Variants in PCDHAC2 observed in about 807,000 individuals in gnomAD.
PCDHAC2 encodes protocadherin alpha subfamily C, 2, also known as protocadherin alpha-C2.
In PCDHAC2, 24 loss-of-function variants were observed where a neutral mutation model predicts 63.3. The observed-to-expected ratio is 0.38, with a 90% CI of 0.27 to 0.53. PCDHAC2 has a LOEUF of 0.53. Ranked by LOEUF, PCDHAC2 falls within the 20% of genes least tolerant of loss-of-function variation. PCDHAC2 has a pLI of 0.81. For missense variants in PCDHAC2, 1,181 were observed against 1,275.2 expected, an observed-to-expected ratio of 0.93 and a Z score of 1.12; for synonymous variants, 569 against 529.4, an observed-to-expected ratio of 1.07 and a Z score of -1.03.
In PCDHAC2 at chr5:140,969,310, T is replaced by C; in HGVS notation, c.2544T>C (p.Asn848=). The C allele has an allele frequency of 1.2e-6, 2 of 1,614,198 alleles. No individual in the cohort carries two copies. The highest frequency in any genetic ancestry group is 2.2e-5 in the East Asian group (1 of 44,882). ...QNAGNLIILK[N]EAVSQNEPRQ... is the part of the protein sequence containing the mutation. ...CTGGGAACCTGATTATTCTCAAAAA[T>C]GAGGCTGTTTCTCAAAATGAGGTGA... The change falls in exon 1 of 4, where the codon AAT becomes AAC. Residue 848 remains asparagine, a synonymous_variant. Transcript: ENST00000289269.
chr5:140,978,806 C>G (rs1554239758), intron 1 of PCDHAC2, 143 bp from the exon 2 acceptor site: 2 of 1,492,474 alleles, frequency 1.3e-6, no homozygotes, highest in Non-Finnish European at 1.8e-6. Context: ...TAGATATCAT[C>G]ATAGAGTTAC....
intron 3 of PCDHAC2, among the ~76,000 whole-genome samples, chr5:141,000,680 T>C (rs953789526): frequency 1.3e-5 from 2 of 151,376 alleles, no homozygotes; most frequent in African/African-American, 2.4e-5. Flanking sequence ...CACCTGCCTC[T>C]GCCTCCCAAA....
Position 140,967,383 on chromosome 5 carries a change from T to A in PCDHAC2, c.617T>A (p.Val206Glu). 6.2e-7 allele frequency: 1 copy of A among 1,608,702 alleles called. No homozygotes were observed. The highest frequency in any genetic ancestry group is 8.5e-7 in the Non-Finnish European group (1 of 1,176,164). The change falls in exon 1 of 4, where the codon GTG (valine) becomes GAG (glutamate). Residue 206 changes from valine to glutamate, a missense_variant. Around this residue, in one of 3 missense-constraint regions of PCDHAC2, gnomAD observed 968 missense variants for 1,073.5 expected, o/e 0.90. Coordinates refer to ENST00000289269, the MANE Select transcript of PCDHAC2 (RefSeq NM_018899.6). ...AAGCCCCTGCAGGAGAACAGTAAAGTGCTTGAGCTGGTGCTGCGTAAGGGC... is the reference window on the plus strand; with the variant it reads ...AAGCCCCTGCAGGAGAACAGTAAAGAGCTTGAGCTGGTGCTGCGTAAGGGC... ...DLKPLQENSK[V>E]LELVLRKGLD...
At chr5:140,989,444 T>C (rs2097342711) in intron 3 of PCDHAC2, among the ~76,000 whole-genome samples, 1 of 152,130 alleles carries the variant, frequency 6.6e-6, no homozygotes, top group South Asian at 2.1e-4. Context: ...CTGAGGTTGT[T>C]TAGAATTGTT....
In PCDHAC2 at chr5:140,969,037, C is replaced by T. The variant is rs1554231375; in HGVS notation, c.2271C>T (p.Tyr757=). ...GVRERSPAEL[Y]KQANNNIDAR... ...GGGAAAGGTCCCCTGCAGAACTGTA[C>T]AAACAAGCCAACAACAATATTGATG... is the stretch of plus-strand genomic sequence containing the variant. Residue 757 remains tyrosine, a synonymous_variant, in exon 1 of 4, where the codon TAC becomes TAT. Transcript: ENST00000289269. 1 of 1,614,158 alleles carries T rather than the reference C, an allele frequency of 6.2e-7. No individual in the cohort carries two copies. Among genetic ancestry groups the T allele is most frequent in the South Asian group, 1.1e-5 (1 of 91,084 alleles).
chr5:140,967,401 G>C lies in PCDHAC2; in HGVS notation c.635G>C (p.Arg212Pro). The change falls in exon 1 of 4, where the codon CGT becomes CCT. Residue 212 changes from arginine (R) to proline (P), a missense_variant. Physicochemically the swap from Arg to Pro is moderately radical, Grantham distance 103. Coordinates refer to ENST00000289269, the MANE Select transcript of PCDHAC2 (RefSeq NM_018899.6). ...ENSKVLELVL[R>P]KGLDREQAAL... Reference sequence around the variant, plus strand: ...AGTAAAGTGCTTGAGCTGGTGCTGCGTAAGGGCCTAGACCGGGAGCAGGCA... The same window carrying C: ...AGTAAAGTGCTTGAGCTGGTGCTGCCTAAGGGCCTAGACCGGGAGCAGGCA... 1 of 1,611,944 alleles carries C rather than the reference G, an allele frequency of 6.2e-7. No homozygotes were observed. Among genetic ancestry groups the C allele is most frequent in the Non-Finnish European group, 8.5e-7 (1 of 1,178,670 alleles).
In PCDHAC2 at chr5:141,010,126, C is replaced by A; in HGVS notation, c.*189C>A. The A allele has an allele frequency of 6.2e-7, 1 of 1,602,364 alleles. No homozygotes were observed. The highest frequency in any genetic ancestry group is 1.1e-5 in the South Asian group (1 of 89,898). ...TTTTGTCGTAAAAGCTTTACTAAGT[C>A]TGGTGTTAACTCTTTCTCTCCACTC... On this transcript the variant is annotated 3_prime_UTR_variant, in exon 4 of 4. Coordinates refer to ENST00000289269, the MANE Select transcript of PCDHAC2 (RefSeq NM_018899.6).
Position 140,978,838 on chromosome 5 carries a change from A to G in PCDHAC2, c.2566-111A>G, listed in dbSNP as rs571929271. 3.9e-6 allele frequency: 6 copies of G among 1,554,610 alleles called. No homozygotes were observed. In the African/African-American group the frequency reaches 5.5e-5, roughly 14 times the overall value. On this transcript the variant is annotated intron_variant, in intron 1 of 3. Transcript: ENST00000289269. ...TTACACATGAAATGGCTCATTCAAT[A>G]CTTTTTTAGATGCCTGGAAATATTT... is the stretch of plus-strand genomic sequence containing the variant.
chr5:140,988,411 A>T (rs2097296392), intron 3 of PCDHAC2, among the ~76,000 whole-genome samples: 1 of 152,144 alleles, frequency 6.6e-6, no homozygotes, highest in Non-Finnish European at 1.5e-5. Flanking sequence ...TTCGCAGCTT[A>T]TGTAAAGAAT....
At chr5:141,009,568 G>A in intron 3 of PCDHAC2, 59 bp from the exon 4 acceptor site, 4 of 1,577,106 alleles carry the variant, frequency 2.5e-6, no homozygotes, top group Non-Finnish European at 3.4e-6. Context: ...TCTACCAGCA[G>A]TGTGGCATCA....
intron 3 of PCDHAC2, among the ~76,000 whole-genome samples, chr5:140,994,862 G>A (rs1434007632): frequency 1.3e-5 from 2 of 152,174 alleles, no homozygotes; most frequent in African/African-American, 4.8e-5. Flanking sequence ...TTTGATGGAT[G>A]TGGTAGAATA....
At position 141,010,065 on chromosome 5, in the gene PCDHAC2, A is replaced by G; in HGVS notation, c.*128A>G. The stretch of plus-strand genomic sequence containing the variant: ...CTTAGAGACCTCAGAAATCTGCAGA[A>G]AGTTCCCTGTGTCTGTCTAGAACGC... On this transcript the variant is annotated 3_prime_UTR_variant, in exon 4 of 4. Coordinates refer to ENST00000289269, the MANE Select transcript of PCDHAC2 (RefSeq NM_018899.6). The G allele has an allele frequency of 1.9e-6, 3 of 1,603,546 alleles. No homozygotes were observed. The highest frequency in any genetic ancestry group is 1.1e-5 in the South Asian group (1 of 89,360).
chr5:140,992,976 AG>A (rs2097535791), intron 3 of PCDHAC2, among the ~76,000 whole-genome samples: 3 of 152,240 alleles, frequency 2.0e-5, no homozygotes, highest in Non-Finnish European at 4.4e-5. Flanking sequence ...GACAATGATT[AG>A]GCCATGGGAC....
intron 3 of PCDHAC2, among the ~76,000 whole-genome samples, chr5:140,986,828 G>A (rs1001117075): frequency 3.9e-5 from 6 of 152,146 alleles, no homozygotes; most frequent in Non-Finnish European, 5.9e-5. Flanking sequence ...TTTAGACAAT[G>A]GTTCTCAAAG....
intron 1 of PCDHAC2, among the ~76,000 whole-genome samples, chr5:140,977,960 A>G (rs760810328): frequency 9.2e-5 from 14 of 152,142 alleles, no homozygotes; most frequent in Non-Finnish European, 1.3e-4. Flanking sequence ...GGCCACCTCA[A>G]TCTCCGCCCA....
At chr5:140,975,562 A>T (rs1445534188) in intron 1 of PCDHAC2, among the ~76,000 whole-genome samples, 2 of 152,206 alleles carry the variant, frequency 1.3e-5, no homozygotes, top group African/African-American at 4.8e-5. Flanking sequence ...GGAAAAGGAG[A>T]TATTATATGC....
chr5:140,969,221 C>A lies in PCDHAC2; in HGVS notation c.2455C>A (p.Pro819Thr), dbSNP rs1222433541. 1 of 1,614,040 alleles carries A rather than the reference C, an allele frequency of 6.2e-7. No homozygotes were observed. Among genetic ancestry groups the A allele is most frequent in the African/African-American group, 1.3e-5 (1 of 74,904 alleles). The change falls in exon 1 of 4, where the codon CCT (proline) becomes ACT (threonine). Residue 819 changes from proline to threonine, a missense_variant. Physicochemically the swap from Pro to Thr is conservative, Grantham distance 38. Around this residue, in one of 3 missense-constraint regions of PCDHAC2, gnomAD observed 968 missense variants for 1,073.5 expected, o/e 0.90. Coordinates refer to ENST00000289269, the MANE Select transcript of PCDHAC2 (RefSeq NM_018899.6). ...YNTGAQTGPG[P>T]SGAQAAVTDS... ...TACAGGGGCCCAGACAGGACCAGGG[C>A]CTTCGGGAGCCCAAGCAGCAGTGAC...
At position 140,967,332 on chromosome 5, in the gene PCDHAC2, C is replaced by T. The variant is rs1269679357; in HGVS notation, c.566C>T (p.Pro189Leu). 2 of 1,607,906 alleles carry T rather than the reference C, an allele frequency of 1.2e-6. No individual in the cohort carries two copies. The highest frequency in any genetic ancestry group is 1.7e-6 in the Non-Finnish European group (2 of 1,175,906). ...ANSVQTYELS[P>L]SEHFELDLKP... is the part of the protein sequence containing the mutation. The stretch of plus-strand genomic sequence containing the variant: ...TCAGTACAGACCTACGAGCTCAGCC[C>T]CAGCGAGCACTTCGAGCTGGACCTT... Residue 189 changes from proline to leucine, a missense_variant, in exon 1 of 4, where the codon CCC (proline) becomes CTC (leucine). Around this residue, in one of 3 missense-constraint regions of PCDHAC2, gnomAD observed 968 missense variants for 1,073.5 expected, o/e 0.90. Coordinates refer to ENST00000289269, the MANE Select transcript of PCDHAC2 (RefSeq NM_018899.6).
chr5:141,002,261 C>A (rs373363788), intron 3 of PCDHAC2, among the ~76,000 whole-genome samples: 1 of 152,224 alleles, frequency 6.6e-6, no homozygotes, highest in East Asian at 1.9e-4. Context: ...CACTGAAATC[C>A]CAGAGCTGGT....
Sources: gnomAD v4.1 joint callset for allele counts (sites outside exome capture counted in the v4.1 genomes callset) on GRCh38, gnomAD v4.1.1 for gene constraint, gnomAD v4.1.1 regional missense constraint, MANE v1.5 for transcripts, NCBI Gene and HGNC (gene_info 2026-07-23, HGNC 2026-07-21) for gene names.